The following MAP2K3 variants were observed in gnomAD, a reference collection of about 807,000 sequenced individuals.
The protein encoded by MAP2K3 is dual specificity mitogen-activated protein kinase kinase 3.
A neutral mutation model predicts 46.4 loss-of-function variants in MAP2K3; 30 were observed. The observed-to-expected ratio is 0.65, with a 90% CI of 0.48 to 0.88. The LOEUF (loss-of-function observed/expected upper bound fraction) is 0.88, where lower values mean the gene tolerates loss of function less well. MAP2K3 is among the 40% of genes least tolerant of loss of function. The pLI, the probability that MAP2K3 is intolerant of heterozygous loss-of-function variation, is 0.00. For missense variants in MAP2K3, 380 were observed against 464.5 expected, an observed-to-expected ratio of 0.82 and a Z score of 1.67; for synonymous variants, 189 against 176.3, an observed-to-expected ratio of 1.07 and a Z score of -0.57.
At chr17:21,304,357 A>G (rs772523500) in intron 7 of MAP2K3, 69 bp from the exon 8 acceptor site, 95 of 1,612,738 alleles carry the variant, frequency 5.9e-5, no homozygotes, top group Non-Finnish European at 7.4e-5. Flanking sequence ...GGGCACAGCT[A>G]TGCAGAGCAT....
At chr17:21,296,640 C>T (rs1329992622) in intron 1 of MAP2K3, among the ~76,000 whole-genome samples, 1 of 152,308 alleles carries the variant, frequency 6.6e-6, no homozygotes, top group Non-Finnish European at 1.5e-5. Context: ...CCTCTCTGAG[C>T]CTGTTCCCCA....
At chr17:21,308,333 A>C (rs1282268422) in intron 9 of MAP2K3, among the ~76,000 whole-genome samples, 2 of 152,242 alleles carry the variant, frequency 1.3e-5, no homozygotes, top group Non-Finnish European at 1.5e-5. Context: ...TTTTTAGTAG[A>C]GACGGGGTTT....
chr17:21,295,660 T>G (rs2363221), intron 1 of MAP2K3: 2 of 1,289,012 alleles, frequency 1.6e-6, no homozygotes, highest in South Asian at 1.2e-5. Context: ...GATGCAGGCT[T>G]GGTGTCCCCA....
chr17:21,303,909 C>G (rs1976742809), intron 7 of MAP2K3, among the ~76,000 whole-genome samples: 1 of 152,312 alleles, frequency 6.6e-6, no homozygotes, highest in Non-Finnish European at 1.5e-5. Flanking sequence ...GCATTTCCAT[C>G]TTTACACACA....
chr17:21,285,022 G>T, intron 1 of MAP2K3, 53 bp downstream of exon 1: 1 of 1,576,746 alleles, frequency 6.3e-7, no homozygotes, highest in Non-Finnish European at 8.6e-7. Flanking sequence ...ATCTGGGGCC[G>T]GGCTGCAAAC....
chr17:21,300,579 T>C lies in MAP2K3; in HGVS notation c.200T>C (p.Ile67Thr). ...GTGGAGGCTGATGACTTGGTGACCA[T>C]CTCAGAACTGGGCCGTGGAGCCTAT... ...FEVEADDLVTISELGRGAYGV... is the reference protein window; with the variant it reads ...FEVEADDLVTTSELGRGAYGV... The change falls in exon 4 of 12, where the codon ATC becomes ACC. Residue 67 changes from isoleucine to threonine, a missense_variant. By Grantham distance (89) the Ile-to-Thr change is moderately conservative (BLOSUM62 -1). Transcript: ENST00000342679. The C allele has an allele frequency of 6.2e-7, 1 of 1,613,054 alleles. No homozygotes were observed. The highest frequency in any genetic ancestry group is 2.2e-5 in the East Asian group (1 of 44,858).
chr17:21,293,214 G>A (rs546794110), intron 1 of MAP2K3, among the ~76,000 whole-genome samples: 233 of 152,266 alleles, frequency 1.5e-3, no homozygotes, highest in Non-Finnish European at 1.5e-3. Context: ...GCCATGGGAG[G>A]CCAGGCTGCA....
Position 21,304,586 on chromosome 17 carries a change from G to C in MAP2K3, c.696+33G>C, listed in dbSNP as rs375302366. The C allele has an allele frequency of 7.3e-4, 1,182 of 1,612,932 alleles. No homozygotes were observed. The African/African-American group carries it at 0.014, about 19-fold the overall frequency. On this transcript the variant is annotated intron_variant, in intron 8 of 11. Transcript: ENST00000342679. ...GTCCCCAAGCCCCCCAGGCTCAGGA[G>C]AGGATGGGGCGGGGAGAAATCTGCC...
At chr17:21,309,669 G>A (rs865988441) in intron 9 of MAP2K3, among the ~76,000 whole-genome samples, 5 of 152,152 alleles carry the variant, frequency 3.3e-5, no homozygotes, top group Middle Eastern at 6.8e-3. Context: ...GCTGGAGCGC[G>A]GTGGTGCGAT....
At chr17:21,299,128 C>G (rs12103593) in intron 3 of MAP2K3, among the ~76,000 whole-genome samples, 1 of 151,390 alleles carries the variant, frequency 6.6e-6, no homozygotes, top group Non-Finnish European at 1.5e-5. Context: ...TGAGGACCAT[C>G]GGCTGCCTGA....
intron 1 of MAP2K3, among the ~76,000 whole-genome samples, chr17:21,294,087 C>T (rs1976101435): frequency 6.6e-6 from 1 of 152,430 alleles, no homozygotes; most frequent in South Asian, 2.1e-4. Flanking sequence ...TCTGCCCACG[C>T]AAAAGCCTGT....
chr17:21,294,673 G>A (rs1366997090), intron 1 of MAP2K3, among the ~76,000 whole-genome samples: 7 of 152,304 alleles, frequency 4.6e-5, no homozygotes, highest in South Asian at 2.1e-4. Context: ...CTACTCCCTT[G>A]TGGAGTCACT....
Position 21,304,444 on chromosome 17 carries a change from T to A in MAP2K3, c.587T>A (p.Val196Asp). The change falls in exon 8 of 12, where the codon GTC becomes GAC. Residue 196 changes from valine (V) to aspartate (D), a missense_variant. Val to Asp is a radical substitution (Grantham distance 152). This residue lies in a region of MAP2K3 where 294 missense variants were observed against 275.4 expected (regional missense o/e 1.07). Transcript: ENST00000342679. ...VIHRDVKPSN[V>D]LINKEGHVKM... ...CTGGCAGATGTGAAGCCCTCCAATG[T>A]CCTTATCAACAAGGAGGGCCATGTG... The A allele has an allele frequency of 6.2e-7, 1 of 1,614,316 alleles. No homozygotes were observed.
chr17:21,314,171 A>C lies in MAP2K3; in HGVS notation c.985A>C (p.Lys329Gln). Residue 329 changes from lysine (K) to glutamine (Q), a missense_variant, in exon 12 of 12, where the codon AAA becomes CAA. Physicochemically the swap from Lys to Gln is moderately conservative, Grantham distance 53. Around this residue, in one of 5 missense-constraint regions of MAP2K3, gnomAD observed 63 missense variants for 81.6 expected, o/e 0.77. Coordinates refer to ENST00000342679, the MANE Select transcript of MAP2K3 (RefSeq NM_145109.3). ...GGAGCACCCCTTCTTCACCTTGCACAAAACCAAGAAGACGGACATTGCTGC... is the reference window on the plus strand; with the variant it reads ...GGAGCACCCCTTCTTCACCTTGCACCAAACCAAGAAGACGGACATTGCTGC... ...LMEHPFFTLH[K>Q]TKKTDIAAFV... 1.2e-6 allele frequency: 2 copies of C among 1,614,020 alleles called. No homozygotes were observed. The highest frequency in any genetic ancestry group is 1.7e-6 in the Non-Finnish European group (2 of 1,179,950).
chr17:21,293,317 C>T (rs1250173630), intron 1 of MAP2K3, among the ~76,000 whole-genome samples: 1 of 152,156 alleles, frequency 6.6e-6, no homozygotes, highest in African/African-American at 2.4e-5. Flanking sequence ...GTGTTGCCTC[C>T]TTCCCTCTCC....
intron 9 of MAP2K3, 154 bp from the exon 10 acceptor site, chr17:21,311,988 T>A: frequency 1.4e-6 from 1 of 703,624 alleles, no homozygotes; most frequent in Admixed American, 4.1e-5. Context: ...CTTTCTCGCC[T>A]TTGTTCTGCT....
intron 1 of MAP2K3, among the ~76,000 whole-genome samples, chr17:21,296,781 C>T (rs901032276): frequency 1.1e-4 from 17 of 152,300 alleles, no homozygotes; most frequent in Middle Eastern, 6.3e-3. Context: ...CGGTCCCTGA[C>T]AGCCAGGGTG....
At chr17:21,291,775 C>A in intron 1 of MAP2K3, 1 of 363,396 alleles carries the variant, frequency 2.8e-6, no homozygotes, top group Non-Finnish European at 5.4e-6. Context: ...TCAACCCCAT[C>A]TTAGGAGTGA....
chr17:21,291,674 C>T (rs1975947798), intron 1 of MAP2K3: 1 of 439,636 alleles, frequency 2.3e-6, no homozygotes, highest in Admixed American at 2.4e-5. Context: ...GGGCCAGAGT[C>T]CCACCGATCT....
Sources: gnomAD v4.1 joint callset for allele counts (sites outside exome capture counted in the v4.1 genomes callset) on GRCh38, gnomAD v4.1.1 for gene constraint, gnomAD v4.1.1 regional missense constraint, MANE v1.5 for transcripts, NCBI Gene and HGNC (gene_info 2026-07-23, HGNC 2026-07-21) for gene names.